SMPX: variants seen among roughly 807,000 people sequenced by gnomAD.
The protein encoded by SMPX is small muscular protein.
SMPX carries 2 observed loss-of-function variants against 6.3 expected under a neutral mutation model. That is an observed-to-expected ratio of 0.32 (90% CI 0.13 to 0.99). The LOEUF (loss-of-function observed/expected upper bound fraction) is 0.99. Among genes scored for constraint, SMPX ranks in the 50% least tolerant of loss-of-function variants. The pLI is 0.49. For synonymous variants in SMPX, 32 were observed against 24.7 expected (o/e 1.30, Z -0.88); for missense variants, 60 against 66.8 (o/e 0.90, Z 0.36).
chrX:21,756,424 T>C (rs2092833040), intron 1 of SMPX, among the ~76,000 whole-genome samples: 1 of 112,297 alleles, frequency 8.9e-6, no homozygotes, highest in South Asian at 3.7e-4. Context: ...TTTTGGTAGA[T>C]TCTGATTTGC....
At position 21,709,353 on chromosome X, in the gene SMPX, A is replaced by G. The variant is rs183635349; in HGVS notation, c.*15-2959T>C. ...AAATCCAACCTCCCCATGATTCTCC[A>G]TGTAACATGCTGAATTGTGATTATT... On this transcript the variant is annotated intron_variant, in intron 4 of 4. Coordinates refer to ENST00000379494, the MANE Select transcript of SMPX (RefSeq NM_014332.3). Among the ~76,000 whole-genome samples the G allele has an allele frequency of 4.5e-5, 5 of 112,150 alleles. No individual in the cohort carries two copies. The East Asian group carries it at 1.4e-3, about 31-fold the overall frequency.
At chrX:21,747,238 TTTC>T (rs1487782007) in intron 2 of SMPX, among the ~76,000 whole-genome samples, 1 of 111,589 alleles carries the variant, frequency 9.0e-6, no homozygotes, top group East Asian at 2.8e-4. Context: ...ATCCTTTGTA[TTTC>T]TTTTCCCTCC....
At chrX:21,724,523 A>C (rs1192548505) in intron 4 of SMPX, among the ~76,000 whole-genome samples, 2 of 112,382 alleles carry the variant, frequency 1.8e-5, no homozygotes, top group Non-Finnish European at 3.8e-5. Flanking sequence ...TTAATCTTGA[A>C]TATCTTTCCA....
intron 4 of SMPX, among the ~76,000 whole-genome samples, chrX:21,707,157 A>G (rs773203370): frequency 1.0e-4 from 11 of 109,472 alleles, no homozygotes; most frequent in Admixed American, 2.0e-4. Context: ...TATGAGTTTA[A>G]TGTTTTTAGA....
chrX:21,747,272 A>G (rs922633400), intron 2 of SMPX, among the ~76,000 whole-genome samples: 4 of 110,525 alleles, frequency 3.6e-5, no homozygotes, highest in African/African-American at 1.3e-4. Context: ...TTCATTTTAG[A>G]GATTTAAAAA....
At chrX:21,748,508 A>T (rs1379668352) in intron 2 of SMPX, among the ~76,000 whole-genome samples, 1 of 111,755 alleles carries the variant, frequency 8.9e-6, no homozygotes, top group Non-Finnish European at 1.9e-5. Context: ...TTGGATGTCA[A>T]CATAAAAAAA....
chrX:21,740,161 T>C (rs904882449), intron 3 of SMPX, among the ~76,000 whole-genome samples: 1 of 112,129 alleles, frequency 8.9e-6, no homozygotes, highest in African/African-American at 3.2e-5. Flanking sequence ...AAATGAAACT[T>C]CTCTCATCTT....
At chrX:21,752,557 G>T (rs1001171137) in intron 2 of SMPX, among the ~76,000 whole-genome samples, 1 of 110,668 alleles carries the variant, frequency 9.0e-6, no homozygotes, top group African/African-American at 3.3e-5. Context: ...TCACTCTGTT[G>T]TCCAGGCTGG....
chrX:21,727,365 T>C (rs1203448475), intron 4 of SMPX: 1 of 112,029 alleles, frequency 8.9e-6, no homozygotes, highest in East Asian at 2.8e-4. Context: ...GAAACTAAAA[T>C]GCAGCCATGA....
chrX:21,731,999 T>C (rs1417660864), intron 4 of SMPX, among the ~76,000 whole-genome samples: 2 of 110,655 alleles, frequency 1.8e-5, no homozygotes, highest in Non-Finnish European at 3.8e-5. Flanking sequence ...TTTGTGTTGG[T>C]TTTTGCTTCA....
chrX:21,727,518 C>A (rs1306591599), intron 4 of SMPX: 1 of 111,975 alleles, frequency 8.9e-6, no homozygotes, highest in Non-Finnish European at 1.9e-5. Flanking sequence ...GTGCCACTGT[C>A]CTTCCTATAG....
intron 4 of SMPX, among the ~76,000 whole-genome samples, chrX:21,730,178 C>CA (rs1422721039): frequency 2.7e-5 from 3 of 111,833 alleles, no homozygotes; most frequent in Non-Finnish European, 5.7e-5. Context: ...AAAATGAGGA[C>CA]AAAAAATTTC....
At chrX:21,737,041 G>A (rs1289409645) in intron 4 of SMPX, among the ~76,000 whole-genome samples, 1 of 110,561 alleles carries the variant, frequency 9.0e-6, no homozygotes, top group African/African-American at 3.3e-5. Context: ...GAGTCGTTAT[G>A]GCATCCTCTT....
Position 21,724,353 on chromosome X carries a change from A to C in SMPX, c.*14+13196T>G, listed in dbSNP as rs1419182033. ...AATCTGTCCTCTACCATGTGTGTGC[A>C]TGTATGTGCATGTGTGTGTGTATGT... is the stretch of plus-strand genomic sequence containing the variant. On this transcript the variant is annotated intron_variant, in intron 4 of 4. Transcript: ENST00000379494. 2.7e-5 allele frequency among the ~76,000 whole-genome samples: 3 copies of C among 112,242 alleles called. No individual in the cohort carries two copies. In the East Asian group the frequency reaches 8.3e-4, roughly 31 times the overall value.
intron 3 of SMPX, among the ~76,000 whole-genome samples, chrX:21,739,546 C>A (rs766321735): frequency 8.0e-5 from 9 of 112,429 alleles, no homozygotes; most frequent in African/African-American, 2.9e-4. Context: ...CATGCACACA[C>A]ATTTATCAGT....
chrX:21,754,757 C>T (rs773382131), intron 1 of SMPX, among the ~76,000 whole-genome samples: 2 of 112,015 alleles, frequency 1.8e-5, no homozygotes, highest in Non-Finnish European at 3.8e-5. Flanking sequence ...CTTTGTTGAA[C>T]ACCCAAAAAG....
chrX:21,730,146 G>C (rs1482358747), intron 4 of SMPX, among the ~76,000 whole-genome samples: 1 of 111,869 alleles, frequency 8.9e-6, no homozygotes, highest in African/African-American at 3.2e-5. Flanking sequence ...TCTGTAATTG[G>C]GTCAAAGCAG....
intron 1 of SMPX, among the ~76,000 whole-genome samples, chrX:21,755,535 T>C (rs779685481): frequency 8.9e-6 from 1 of 112,516 alleles, no homozygotes; most frequent in Admixed American, 9.4e-5. Context: ...CCATCGTCCA[T>C]AGCTAATGAC....
rs1416099729 is a variant in SMPX, at chrX:21,731,481, T to TA, written c.*14+6067_*14+6068insT. 7.9e-5 allele frequency among the ~76,000 whole-genome samples: 6 copies of TA among 76,384 alleles called. 1 individual carries two copies. The highest frequency in any genetic ancestry group is 1.0e-4 in the Non-Finnish European group (4 of 39,298). The allele number at this position is 76,384 out of a possible 115,157, so 66.3% of individuals were successfully genotyped here. A position where few individuals can be genotyped will look rare whatever the true frequency, so the allele number is the denominator to read the frequency against. On this transcript the variant is annotated intron_variant, in intron 4 of 4. Transcript: ENST00000379494. ...ATGTGTGTATGTGTACACATACACATTATGTGTGTATGTGTACACATACAC... is the reference window on the plus strand; with the variant it reads ...ATGTGTGTATGTGTACACATACACATATATGTGTGTATGTGTACACATACAC...
Sources: allele counts gnomAD v4.1 joint callset (sites outside exome capture counted in the v4.1 genomes callset), GRCh38; gene constraint gnomAD v4.1.1; transcripts MANE v1.5; gene names NCBI Gene and HGNC (gene_info 2026-07-23, HGNC 2026-07-21).